Variants in COL9A1 observed in about 807,000 individuals in gnomAD.
The protein encoded by COL9A1 is collagen type IX alpha 1 chain, also known as collagen alpha-1(IX) chain.
COL9A1 carries 104 observed loss-of-function variants against 142.6 expected under a neutral mutation model. That is an observed-to-expected ratio of 0.73 (90% CI 0.62 to 0.86). COL9A1 has a LOEUF of 0.86. Ranked by LOEUF, COL9A1 falls within the 40% of genes least tolerant of loss-of-function variation. COL9A1 has a pLI of 0.00. For synonymous variants in COL9A1, 466 were observed against 396.0 expected, an observed-to-expected ratio of 1.18 and a Z score of -2.10; for missense variants, 1,210 against 1,176.6, an observed-to-expected ratio of 1.03 and a Z score of -0.42.
chr6:70,266,665 T>C, intron 18 of COL9A1, 52 bp downstream of exon 18: 1 of 1,341,874 alleles, frequency 7.5e-7, no homozygotes, highest in East Asian at 2.3e-5. Flanking sequence ...ATAATGAAAG[T>C]GACCAATAAC....
chr6:70,271,611 T>C, intron 14 of COL9A1, 44 bp downstream of exon 14: 1 of 1,580,818 alleles, frequency 6.3e-7, no homozygotes, highest in Non-Finnish European at 8.7e-7. Flanking sequence ...TAACATCTTC[T>C]ATTAAATCAG....
intron 5 of COL9A1, among the ~76,000 whole-genome samples, chr6:70,285,288 A>C (rs989513000): frequency 1.3e-5 from 2 of 152,242 alleles, no homozygotes; most frequent in South Asian, 4.1e-4. Context: ...TTCTGAACAC[A>C]TCTGCGCATC....
At chr6:70,252,408 A>C in intron 26 of COL9A1, 93 bp from the exon 27 acceptor site, 1 of 1,081,186 alleles carries the variant, frequency 9.2e-7, no homozygotes, top group Non-Finnish European at 1.4e-6. Context: ...TTACATTTGA[A>C]TAGCATTAAT....
chr6:70,282,206 C>G (rs1465679751), intron 7 of COL9A1, among the ~76,000 whole-genome samples: 1 of 152,090 alleles, frequency 6.6e-6, no homozygotes, highest in African/African-American at 2.4e-5. Context: ...CTGTTTTTAC[C>G]CTTCTGAATT....
At chr6:70,277,842 G>C (rs1031445887) in intron 10 of COL9A1, among the ~76,000 whole-genome samples, 17 of 152,142 alleles carry the variant, frequency 1.1e-4, no homozygotes, top group African/African-American at 4.1e-4. Context: ...AAGAGCAGAA[G>C]ACGAAATGAT....
chr6:70,282,994 A>G (rs759531116), intron 6 of COL9A1, 76 bp from the exon 7 acceptor site: 1 of 1,613,762 alleles, frequency 6.2e-7, no homozygotes, highest in South Asian at 1.1e-5. Flanking sequence ...AGCCGCGCAC[A>G]AGCAGAGCCC....
At chr6:70,253,206 T>G in intron 26 of COL9A1, 179 bp downstream of exon 26, 1 of 519,728 alleles carries the variant, frequency 1.9e-6, no homozygotes, top group Non-Finnish European at 3.5e-6. Flanking sequence ...TGTCAAAGTA[T>G]GCTTTCTGTA....
chr6:70,302,711 G>C (rs977578504), intron 1 of COL9A1, among the ~76,000 whole-genome samples, 200 bp downstream of exon 1: 5 of 151,420 alleles, frequency 3.3e-5, no homozygotes, highest in Non-Finnish European at 7.4e-5. Flanking sequence ...CCCTTCCTCT[G>C]TCTGTCTTCG....
rs745369282 is a variant in COL9A1, at chr6:70,281,424, C to G, written c.842G>C (p.Gly281Ala). The change falls in exon 8 of 38, where the codon GGC becomes GCC. Residue 281 changes from glycine (G) to alanine (A), a missense_variant. Transcript: ENST00000357250. ...ATCGATGCCTGGAACTCCAGGGGGG[C>G]CCGGAGGCCCGGGAGGACCCTGCTC... ...PGEQGPPGPP[G>A]PPGVPGIDGI... The G allele has an allele frequency of 2.5e-6, 4 of 1,613,566 alleles. No homozygotes were observed. The highest frequency in any genetic ancestry group is 3.4e-6 in the Non-Finnish European group (4 of 1,179,864).
intron 20 of COL9A1, among the ~76,000 whole-genome samples, chr6:70,257,339 G>A (rs555519439): frequency 5.3e-5 from 8 of 152,084 alleles, no homozygotes; most frequent in Non-Finnish European, 1.0e-4. Context: ...GATTACAGGC[G>A]TGAGCCACTG....
intron 37 of COL9A1, among the ~76,000 whole-genome samples, chr6:70,223,266 T>G (rs896928713): frequency 3.9e-5 from 6 of 152,188 alleles, no homozygotes; most frequent in Non-Finnish European, 7.3e-5. Context: ...AATAATAGTA[T>G]GAACAACCAA....
intron 20 of COL9A1, 45 bp from the exon 21 acceptor site, chr6:70,256,866 T>C (rs769248781): frequency 2.5e-6 from 4 of 1,573,548 alleles, no homozygotes; most frequent in Admixed American, 1.7e-5. Flanking sequence ...ATCAGTCATG[T>C]ATGTTAAAGG....
At chr6:70,289,071 A>G (rs186487896) in intron 5 of COL9A1, among the ~76,000 whole-genome samples, 1 of 152,116 alleles carries the variant, frequency 6.6e-6, no homozygotes, top group African/African-American at 2.4e-5. Flanking sequence ...TTTGATCATT[A>G]TTTGTGGCAA....
intron 14 of COL9A1, among the ~76,000 whole-genome samples, chr6:70,271,387 G>A (rs2127590532): frequency 6.6e-6 from 1 of 152,306 alleles, no homozygotes; most frequent in African/African-American, 2.4e-5. Flanking sequence ...TCCTGGCTGA[G>A]AGTCTGTAAA....
In COL9A1 at chr6:70,252,406, G is replaced by T. The variant is rs548252973; in HGVS notation, c.1765-91C>A. 2.9e-5 allele frequency: 32 copies of T among 1,113,162 alleles called. No homozygotes were observed. In the African/African-American group the frequency reaches 4.7e-4, roughly 16 times the overall value. The allele number at this position is 1,113,162 out of a possible 1,614,324, so 69.0% of individuals were successfully genotyped here. ...ACCCAGACTGGGATCTCTTACATTT[G>T]AATAGCATTAATTCCCTGCTTTCAC... On this transcript the variant is annotated intron_variant, in intron 26 of 37. Coordinates refer to ENST00000357250, the MANE Select transcript of COL9A1 (RefSeq NM_001851.6).
rs552183397 is a variant in COL9A1 at position 70,239,472 on chromosome 6, C to T, written c.2080-186G>A. 7.9e-5 allele frequency among the ~76,000 whole-genome samples: 12 copies of T among 152,334 alleles called. No individual in the cohort carries two copies. In the South Asian group the frequency reaches 2.3e-3, roughly 29 times the overall value. ...CTCAGTTCTACTTAACTCTGTGACC[C>T]TCTGTAAGCTATGTAGCCTCCCAGC... is the stretch of plus-strand genomic sequence containing the variant. On this transcript the variant is annotated intron_variant, in intron 32 of 37. Coordinates refer to ENST00000357250, the MANE Select transcript of COL9A1 (RefSeq NM_001851.6).
intron 4 of COL9A1, among the ~76,000 whole-genome samples, chr6:70,296,958 T>C (rs528069611): frequency 3.3e-5 from 5 of 152,272 alleles, no homozygotes; most frequent in African/African-American, 1.2e-4. Context: ...ACTATAGATA[T>C]ACTGAGCAAA....
rs903562953 is a variant in COL9A1 at position 70,256,120 on chromosome 6, G to A, written c.1503+648C>T. Among the ~76,000 whole-genome samples, 3 of 152,078 alleles carry A rather than the reference G, an allele frequency of 2.0e-5. No individual in the cohort carries two copies. In the East Asian group the frequency reaches 5.8e-4, roughly 29 times the overall value. ...ACCCCTGTACTTTGCTGTCTTTCCT[G>A]CCCGTAGGCTTTCAAACCAACCTCC... is the stretch of plus-strand genomic sequence containing the variant. On this transcript the variant is annotated intron_variant, in intron 21 of 37. Coordinates refer to ENST00000357250, the MANE Select transcript of COL9A1 (RefSeq NM_001851.6).
Position 70,294,426 on chromosome 6 carries a change from A to C in COL9A1, c.437T>G (p.Ile146Ser), listed in dbSNP as rs780230984. ...SSGKEQVGIKINGQTQSVVFS... is the reference protein window; with the variant it reads ...SSGKEQVGIKSNGQTQSVVFS... Reference sequence around the variant, plus strand: ...TACAACAGATTGTGTTTGGCCATTAATCTTTATGCCAACTTGCTCCTTCCC... The same window carrying C: ...TACAACAGATTGTGTTTGGCCATTACTCTTTATGCCAACTTGCTCCTTCCC... Residue 146 changes from isoleucine to serine, a missense_variant, in exon 5 of 38, where the codon ATT becomes AGT. Transcript: ENST00000357250. The C allele has an allele frequency of 1.6e-5, 26 of 1,613,984 alleles. No homozygotes were observed. Among genetic ancestry groups the C allele is most frequent in the Non-Finnish European group, 2.1e-5 (25 of 1,179,992 alleles).
Sources: gnomAD v4.1 joint callset for allele counts (sites outside exome capture counted in the v4.1 genomes callset) on GRCh38, gnomAD v4.1.1 for gene constraint, MANE v1.5 for transcripts, NCBI Gene and HGNC (gene_info 2026-07-23, HGNC 2026-07-21) for gene names.